SNURF: variants seen among roughly 807,000 people sequenced by gnomAD.
SNURF encodes SNRPN upstream open reading frame.
In SNURF, 6 loss-of-function variants were observed where a neutral mutation model predicts 11.6. That is an observed-to-expected ratio of 0.52 (90% confidence interval 0.28 to 1.02). SNURF has a LOEUF of 1.02. Ranked by LOEUF, SNURF falls within the 50% of genes least tolerant of loss-of-function variation. SNURF has a pLI of 0.09. For synonymous variants in SNURF, 29 were observed against 31.6 expected (o/e 0.92, Z 0.27); for missense variants, 84 against 88.4 (o/e 0.95, Z 0.20).
At chr15:24,973,396 A>G (rs2076681263), downstream of SNURF, among the ~76,000 whole-genome samples, 1 of 151,832 alleles carries the variant, frequency 6.6e-6, no homozygotes, top group African/African-American at 2.4e-5. Flanking sequence ...TGACTTATTT[A>G]TTTATTTTGA....
At chr15:24,969,996 G>C (rs181127530), downstream of SNURF, among the ~76,000 whole-genome samples, 11 of 152,304 alleles carry the variant, frequency 7.2e-5, no homozygotes, top group African/African-American at 2.6e-4. Context: ...ATAATTGGCT[G>C]AGTTTTATTT....
intron 1 of SNURF, among the ~76,000 whole-genome samples, chr15:24,957,773 T>A (rs1308002715): frequency 3.9e-5 from 6 of 152,154 alleles, no homozygotes; most frequent in African/African-American, 1.4e-4. Flanking sequence ...GCAGTTCACA[T>A]ACATATATTT....
At chr15:24,977,803 C>G in exon 7 of SNURF, 4 of 1,613,008 alleles carry the variant, frequency 2.5e-6, no homozygotes, top group Non-Finnish European at 3.4e-6. Flanking sequence ...GGAAGAGGCA[C>G]TGTAGCAGCT....
downstream of SNURF, among the ~76,000 whole-genome samples, chr15:24,969,755 A>G (rs1169867559): frequency 6.6e-6 from 1 of 152,228 alleles, no homozygotes; most frequent in Non-Finnish European, 1.5e-5. Flanking sequence ...CTCAACTGCT[A>G]GTTCTACCTA....
chr15:24,973,040 AC>A (rs1420078644), downstream of SNURF, among the ~76,000 whole-genome samples: 1 of 152,062 alleles, frequency 6.6e-6, no homozygotes, highest in African/African-American at 2.4e-5. Context: ...GGCGCCTGCC[AC>A]CACACCCAGC....
exon 7 of SNURF, chr15:24,977,781 A>G: frequency 6.2e-7 from 1 of 1,602,218 alleles, no homozygotes; most frequent in Non-Finnish European, 8.5e-7. Flanking sequence ...TTCTCAGGTA[A>G]TGACTCCACA....
chr15:24,976,796 G>A, intron 5 of SNURF: 1 of 1,276,320 alleles, frequency 7.8e-7, no homozygotes, highest in Admixed American at 2.1e-5. Flanking sequence ...GAAAATGGTG[G>A]AGAGAAGTGA....
At chr15:24,973,859 G>GCCA (rs768679698) in intron 3 of SNURF, among the ~76,000 whole-genome samples, 2 of 152,110 alleles carry the variant, frequency 1.3e-5, no homozygotes, top group African/African-American at 2.4e-5. Flanking sequence ...AAGATTACCT[G>GCCA]CCATCATCTT....
At chr15:24,974,354 C>T (rs1450875226) in intron 3 of SNURF, 1 of 1,112,374 alleles carries the variant, frequency 9.0e-7, no homozygotes, top group African/African-American at 1.5e-5. Context: ...TGCATTGTTT[C>T]TAGGAGAACC....
chr15:24,970,055 TATAGTC>T (rs1433833481), downstream of SNURF, among the ~76,000 whole-genome samples: 1 of 152,166 alleles, frequency 6.6e-6, no homozygotes, highest in Non-Finnish European at 1.5e-5. Flanking sequence ...GGCCAGTCAA[TATAGTC>T]ATAATGTCAT....
chr15:24,963,892 C>T (rs1236913391), intron 2 of SNURF, among the ~76,000 whole-genome samples: 2 of 151,720 alleles, frequency 1.3e-5, no homozygotes, highest in East Asian at 1.9e-4. Flanking sequence ...ATTAGCCAGG[C>T]GTGGTGTTGT....
intron 1 of SNURF, among the ~76,000 whole-genome samples, chr15:24,959,837 G>A (rs1458022493): frequency 1.3e-5 from 2 of 152,204 alleles, no homozygotes; most frequent in Non-Finnish European, 1.5e-5. Context: ...CTAGGAACAC[G>A]TATAATACGT....
chr15:24,966,444 G>A (rs2075648420), intron 2 of SNURF, among the ~76,000 whole-genome samples: 2 of 152,004 alleles, frequency 1.3e-5, no homozygotes, highest in South Asian at 4.1e-4. Flanking sequence ...TTTTTGTTGG[G>A]GATTCATTAT....
chr15:24,968,319 G>A (rs1385978083), exon 3 of SNURF: 5 of 302,246 alleles, frequency 1.7e-5, no homozygotes, highest in East Asian at 7.7e-5. Flanking sequence ...TTTCTTTTGC[G>A]TTTTTTTTAA....
chr15:24,955,388 C>T (rs1020545224), intron 1 of SNURF, among the ~76,000 whole-genome samples: 33 of 151,700 alleles, frequency 2.2e-4, no homozygotes, highest in African/African-American at 7.5e-4. Context: ...GGGCAAGGGA[C>T]ATGGGTGGAG....
chr15:24,973,285 G>A (rs1310839799), downstream of SNURF, among the ~76,000 whole-genome samples: 1 of 152,216 alleles, frequency 6.6e-6, no homozygotes, highest in Non-Finnish European at 1.5e-5. Context: ...TATTGCCTAA[G>A]AGTATAGTAG....
Position 24,974,863 on chromosome 15 carries a change from C to T in SNURF, c.*46-495C>T, listed in dbSNP as rs546523681. ...CATGAGATGAGCCACTGTGCCTGGC[C>T]ATGAGAAATGTTTCATGATGTGAGA... On this transcript the variant is annotated intron_variant and NMD_transcript_variant, in intron 3 of 6. Transcript: ENST00000580062. The T allele has an allele frequency of 4.0e-5, 28 of 699,514 alleles. No individual in the cohort carries two copies. The South Asian group carries it at 4.2e-4, about 10-fold the overall frequency. 43.3% of individuals were successfully genotyped at this position (699,514 alleles called of 1,614,324 possible). A position where few individuals can be genotyped will look rare whatever the true frequency, so the allele number is the denominator to read the frequency against.
chr15:24,973,740 A>G (rs1596326508), downstream of SNURF, among the ~76,000 whole-genome samples: 4 of 152,112 alleles, frequency 2.6e-5, no homozygotes, highest in Admixed American at 2.6e-4. Context: ...TACTTGATCT[A>G]TGAAAGTTGT....
At chr15:24,970,937 C>T (rs890799251), downstream of SNURF, among the ~76,000 whole-genome samples, 4 of 152,000 alleles carry the variant, frequency 2.6e-5, no homozygotes, top group African/African-American at 7.3e-5. Context: ...GCATACTCTT[C>T]GATGGAGGAT....
Sources: gnomAD v4.1 joint callset for allele counts (sites outside exome capture counted in the v4.1 genomes callset) on GRCh38, gnomAD v4.1.1 for gene constraint, MANE v1.5 for transcripts, NCBI Gene and HGNC (gene_info 2026-07-23, HGNC 2026-07-21) for gene names.